APOE: variants seen among roughly 807,000 people sequenced by gnomAD.
APOE encodes apolipoprotein E, also known as apolipoprotein E3.
APOE carries 10 observed loss-of-function variants against 13.1 expected under a neutral mutation model. That is an observed-to-expected ratio of 0.76 (90% confidence interval 0.47 to 1.29). The LOEUF (loss-of-function observed/expected upper bound fraction) is 1.29, where lower values mean the gene tolerates loss of function less well. Among genes scored for constraint, APOE ranks in the 50% most tolerant of loss-of-function variants. The probability of loss-of-function intolerance (pLI) is 0.00; values close to 1 mark genes in which losing one functional copy is unlikely to be tolerated. For missense variants in APOE, 471 were observed against 459.6 expected, an observed-to-expected ratio of 1.02 and a Z score of -0.23; for synonymous variants, 211 against 207.1, an observed-to-expected ratio of 1.02 and a Z score of -0.16.
At chr19:44,906,232 TCATAAATGGAA>T (rs763508016) in intron 1 of APOE, 10 of 374,292 alleles carry the variant, frequency 2.7e-5, no homozygotes, top group Non-Finnish European at 5.1e-5. Context: ...CTGAATTAGC[TCATAAATGGAA>T]CACGGCGCTT....
chr19:44,906,519 C>G, intron 1 of APOE, 83 bp from the exon 2 acceptor site: 1 of 1,475,176 alleles, frequency 6.8e-7, no homozygotes, highest in Non-Finnish European at 9.5e-7. Flanking sequence ...GGAAGGCTAA[C>G]CTGGGGTGAG....
In APOE at chr19:44,908,922, G is replaced by A. The variant is rs1047319304; in HGVS notation, c.626G>A (p.Arg209Gln). ...CCCCTGGTGGAACAGGGCCGCGTGC[G>A]GGCCGCCACTGTGGGCTCCCTGGCC... ...LGPLVEQGRV[R>Q]AATVGSLAGQ... Residue 209 changes from arginine to glutamine, a missense_variant, in exon 4 of 4, where the codon CGG becomes CAG. Transcript: ENST00000252486. 4 of 1,473,502 alleles carry A rather than the reference G, an allele frequency of 2.7e-6. No homozygotes were observed. Among genetic ancestry groups the A allele is most frequent in the African/African-American group, 1.5e-5 (1 of 68,850 alleles). 91.3% of individuals were successfully genotyped at this position (1,473,502 alleles called of 1,614,324 possible).
chr19:44,909,330 C>T lies in APOE; in HGVS notation c.*80C>T, dbSNP rs1969893248. On this transcript the variant is annotated 3_prime_UTR_variant, in exon 4 of 4. Transcript: ENST00000252486. ...CGCAGCCTGCAGCGGGAGACCCTGTCCCCGCCCCAGCCGTCCTCCTGGGGT... is the reference window on the plus strand; with the variant it reads ...CGCAGCCTGCAGCGGGAGACCCTGTTCCCGCCCCAGCCGTCCTCCTGGGGT... 8 of 1,369,908 alleles carry T rather than the reference C, an allele frequency of 5.8e-6. No homozygotes were observed. Among genetic ancestry groups the T allele is most frequent in the Non-Finnish European group, 8.2e-6 (8 of 980,486 alleles). The allele number at this position is 1,369,908 out of a possible 1,614,324, so 84.9% of individuals were successfully genotyped here. A position where few individuals can be genotyped will look rare whatever the true frequency, so the allele number is the denominator to read the frequency against.
chr19:44,909,249 G>T lies in APOE; in HGVS notation c.953G>T (p.Ter318LeuextTer38). The change falls in exon 4 of 4, where the codon TGA (stop) becomes TTA (leucine). Residue 318 changes from the stop codon to leucine, a stop_lost. Transcript: ENST00000252486. ...GCCCCTGTGCCCAGCGACAATCACT[G>T]AACGCCGAAGCCTGCAGCCATGCGA... Reference protein sequence around the residue: ...SAAPVPSDNH* With the variant: ...SAAPVPSDNHL The T allele has an allele frequency of 6.3e-7, 1 of 1,596,332 alleles. No individual in the cohort carries two copies. Among genetic ancestry groups the T allele is most frequent in the South Asian group, 1.1e-5 (1 of 90,874 alleles).
chr19:44,908,740 C>G lies in APOE; in HGVS notation c.444C>G (p.Thr148=), dbSNP rs773479792. The change falls in exon 4 of 4, where the codon ACC becomes ACG. Residue 148 remains threonine (T), a synonymous_variant. Coordinates refer to ENST00000252486, the MANE Select transcript of APOE (RefSeq NM_000041.4). The stretch of plus-strand genomic sequence containing the variant: ...TGCAGGCCATGCTCGGCCAGAGCAC[C>G]GAGGAGCTGCGGGTGCGCCTCGCCT... ...GEVQAMLGQS[T]EELRVRLASH... The G allele has an allele frequency of 1.9e-5, 29 of 1,559,960 alleles. No homozygotes were observed. Among genetic ancestry groups the G allele is most frequent in the Non-Finnish European group, 2.4e-5 (28 of 1,153,282 alleles).
Position 44,907,853 on chromosome 19 carries a change from T to C in APOE, c.137T>C (p.Leu46Pro), listed in dbSNP as rs769452. Residue 46 changes from leucine to proline, a missense_variant, in exon 3 of 4, where the codon CTG (leucine) becomes CCG (proline). Transcript: ENST00000252486. This position sits in a 1 kb window ranked among gnomAD's most constrained non-coding sequence, Gnocchi z 4.1. ...TGGCAGAGCGGCCAGCGCTGGGAAC[T>C]GGCACTGGGTCGCTTTTGGGATTAC... The part of the protein sequence containing the change: ...TEWQSGQRWE[L>P]ALGRFWDYLR... The C allele has an allele frequency of 2.0e-3, 3,254 of 1,614,020 alleles. 6 individuals carry two copies. Among genetic ancestry groups the C allele is most frequent in the Non-Finnish European group, 2.1e-3 (2,467 of 1,179,940 alleles).
rs1313053671 is a variant in APOE at position 44,907,405 on chromosome 19, TG to T, written c.44-352del. 1 of 334,578 alleles carries T rather than the reference TG, an allele frequency of 3.0e-6. No homozygotes were observed. The highest frequency in any genetic ancestry group is 5.9e-6 in the Non-Finnish European group (1 of 170,024). 20.7% of individuals were successfully genotyped at this position (334,578 alleles called of 1,614,324 possible). Reference sequence around the variant, plus strand: ...TGAGCCCAGGAGTTCAACACCAGCCTGGGCAACATAGTGAGACCCTGTCTCT... The same window carrying T: ...TGAGCCCAGGAGTTCAACACCAGCCTGGCAACATAGTGAGACCCTGTCTCT... On this transcript the variant is annotated intron_variant, in intron 2 of 3. Coordinates refer to ENST00000252486, the MANE Select transcript of APOE (RefSeq NM_000041.4). The surrounding 1 kb of genome is among the most constrained non-coding windows in gnomAD (Gnocchi z 4.1).
In APOE at chr19:44,907,908, G is replaced by C. The variant is rs370594287; in HGVS notation, c.192G>C (p.Gln64His). Residue 64 changes from glutamine to histidine, a missense_variant, in exon 3 of 4, where the codon CAG becomes CAC. Gln to His is a conservative substitution (Grantham distance 24, BLOSUM62 0). Transcript: ENST00000252486. The surrounding 1 kb of genome is among the most constrained non-coding windows in gnomAD (Gnocchi z 4.1). ...GCTGGGTGCAGACACTGTCTGAGCAGGTGCAGGAGGAGCTGCTCAGCTCCC... is the reference window on the plus strand; with the variant it reads ...GCTGGGTGCAGACACTGTCTGAGCACGTGCAGGAGGAGCTGCTCAGCTCCC... ...YLRWVQTLSE[Q>H]VQEELLSSQV... 81 of 1,613,974 alleles carry C rather than the reference G, an allele frequency of 5.0e-5. 1 individual carries two copies. In the East Asian group the frequency reaches 7.8e-4, roughly 16 times the overall value.
intron 2 of APOE, 128 bp downstream of exon 2, chr19:44,906,795 G>A: frequency 1.1e-6 from 1 of 904,790 alleles, no homozygotes. Context: ...TCCTGGCTCT[G>A]AACAGCGATT....
chr19:44,908,999 C>A lies in APOE; in HGVS notation c.703C>A (p.Arg235=). 1 of 1,534,768 alleles carries A rather than the reference C, an allele frequency of 6.5e-7. No individual in the cohort carries two copies. Among genetic ancestry groups the A allele is most frequent in the Non-Finnish European group, 8.7e-7 (1 of 1,146,190 alleles). ...AQAWGERLRA[R]MEEMGSRTRD... The stretch of plus-strand genomic sequence containing the variant: ...GGCCTGGGGCGAGCGGCTGCGCGCG[C>A]GGATGGAGGAGATGGGCAGCCGGAC... Residue 235 remains arginine, a synonymous_variant, in exon 4 of 4, where the codon CGG becomes AGG. Transcript: ENST00000252486.
In APOE at chr19:44,908,843, G is replaced by C. The variant is rs1388704077; in HGVS notation, c.547G>C (p.Gly183Arg). ...LQKRLAVYQA[G>R]AREGAERGLS... ...GAAGCGCCTGGCAGTGTACCAGGCC[G>C]GGGCCCGCGAGGGCGCCGAGCGCGG... is the stretch of plus-strand genomic sequence containing the variant. Residue 183 changes from glycine (G) to arginine (R), a missense_variant, in exon 4 of 4, where the codon GGG becomes CGG. Transcript: ENST00000252486. 4 of 1,529,666 alleles carry C rather than the reference G, an allele frequency of 2.6e-6. No individual in the cohort carries two copies. The highest frequency in any genetic ancestry group is 3.5e-6 in the Non-Finnish European group (4 of 1,143,230). The allele number at this position is 1,529,666 out of a possible 1,614,324, so 94.8% of individuals were successfully genotyped here.
At chr19:44,908,441 G>T (rs1414622623) in intron 3 of APOE, 92 bp from the exon 4 acceptor site, 2 of 1,313,264 alleles carry the variant, frequency 1.5e-6, no homozygotes, top group Non-Finnish European at 2.2e-6. Flanking sequence ...TCCCTCTTGG[G>T]TCTCTCTGGC....
chr19:44,905,856 C>CG lies in APOE; in HGVS notation c.-24+20dup, dbSNP rs766084317. 1 of 1,293,494 alleles carries CG rather than the reference C, an allele frequency of 7.7e-7. No individual in the cohort carries two copies. The allele number at this position is 1,293,494 out of a possible 1,614,324, so 80.1% of individuals were successfully genotyped here. A position where few individuals can be genotyped will look rare whatever the true frequency, so the allele number is the denominator to read the frequency against. ...CCCAGGAGCCGGTGAGAAGCGCAGT[C>CG]GGGGGCACGGGGATGAGCTCAGGGG... is the stretch of plus-strand genomic sequence containing the variant. On this transcript the variant is annotated intron_variant, in intron 1 of 3. Transcript: ENST00000252486.
chr19:44,908,442 T>C, intron 3 of APOE, 91 bp from the exon 4 acceptor site: 2 of 1,316,522 alleles, frequency 1.5e-6, no homozygotes, highest in Non-Finnish European at 2.2e-6. Flanking sequence ...CCCTCTTGGG[T>C]CTCTCTGGCT....
rs555222732 is a variant in APOE at position 44,908,465 on chromosome 19, G to A, written c.237-68G>A. On this transcript the variant is annotated intron_variant, in intron 3 of 3. Transcript: ENST00000252486. ...GGTCTCTCTGGCTCATCCCCATCTC[G>A]CCCGCCCCATCCCAGCCCTTCTCCC... 7.2e-5 allele frequency: 110 copies of A among 1,530,422 alleles called. No homozygotes were observed. In the South Asian group the frequency reaches 1.1e-3, roughly 16 times the overall value. 94.8% of individuals were successfully genotyped at this position (1,530,422 alleles called of 1,614,324 possible). A position where few individuals can be genotyped will look rare whatever the true frequency, so the allele number is the denominator to read the frequency against.
In APOE at chr19:44,905,841, G is replaced by C; in HGVS notation, c.-24G>C. 7.7e-7 allele frequency: 1 copy of C among 1,294,868 alleles called. No homozygotes were observed. Among genetic ancestry groups the C allele is most frequent in the Non-Finnish European group, 1.0e-6 (1 of 985,342 alleles). The allele number at this position is 1,294,868 out of a possible 1,614,324, so 80.2% of individuals were successfully genotyped here. A position where few individuals can be genotyped will look rare whatever the true frequency, so the allele number is the denominator to read the frequency against. The stretch of plus-strand genomic sequence containing the variant: ...TGAAGGACGTCCTTCCCCAGGAGCC[G>C]GTGAGAAGCGCAGTCGGGGGCACGG... On this transcript the variant is annotated splice_region_variant and 5_prime_UTR_variant, in exon 1 of 4. Transcript: ENST00000252486.
At position 44,908,865 on chromosome 19, in the gene APOE, G is replaced by A; in HGVS notation, c.569G>A (p.Arg190His). The A allele has an allele frequency of 6.6e-7, 1 of 1,518,508 alleles. No homozygotes were observed. The highest frequency in any genetic ancestry group is 8.8e-7 in the Non-Finnish European group (1 of 1,138,106). 94.1% of individuals were successfully genotyped at this position (1,518,508 alleles called of 1,614,324 possible). ...GCCGGGGCCCGCGAGGGCGCCGAGCGCGGCCTCAGCGCCATCCGCGAGCGC... is the reference window on the plus strand; with the variant it reads ...GCCGGGGCCCGCGAGGGCGCCGAGCACGGCCTCAGCGCCATCCGCGAGCGC... ...YQAGAREGAE[R>H]GLSAIRERLG... Residue 190 changes from arginine to histidine, a missense_variant, in exon 4 of 4, where the codon CGC (arginine) becomes CAC (histidine). Transcript: ENST00000252486.
Position 44,909,070 on chromosome 19 carries a change from C to A in APOE, c.774C>A (p.Arg258=). ...TGAAGGAGCAGGTGGCGGAGGTGCGCGCCAAGCTGGAGGAGCAGGCCCAGC... is the reference window on the plus strand; with the variant it reads ...TGAAGGAGCAGGTGGCGGAGGTGCGAGCCAAGCTGGAGGAGCAGGCCCAGC... ...DEVKEQVAEV[R]AKLEEQAQQI... is the part of the protein sequence containing the mutation. The change falls in exon 4 of 4, where the codon CGC becomes CGA. Residue 258 remains arginine (R), a synonymous_variant. Coordinates refer to ENST00000252486, the MANE Select transcript of APOE (RefSeq NM_000041.4). 6.4e-7 allele frequency: 1 copy of A among 1,571,542 alleles called. No homozygotes were observed. The highest frequency in any genetic ancestry group is 8.6e-7 in the Non-Finnish European group (1 of 1,164,452).
chr19:44,905,885 C>T (rs1377502673), intron 1 of APOE, 44 bp downstream of exon 1: 3 of 1,295,596 alleles, frequency 2.3e-6, no homozygotes, highest in Non-Finnish European at 3.0e-6. Context: ...TCAGGGGCCT[C>T]TAGAAAGAGC....
Sources: gnomAD v4.1 joint callset for allele counts on GRCh38, gnomAD v4.1.1 for gene constraint, Gnocchi (gnomAD v3.1) non-coding constraint, MANE v1.5 for transcripts, NCBI Gene and HGNC (gene_info 2026-07-23, HGNC 2026-07-21) for gene names.